Variants in IFT74 observed in about 807,000 individuals in gnomAD.
The protein encoded by IFT74 is intraflagellar transport 74, also known as intraflagellar transport protein 74 homolog.
IFT74 carries 92 observed loss-of-function variants against 96.7 expected under a neutral mutation model. The ratio of observed to expected loss-of-function variants is 0.95; its 90% CI spans 0.80 to 1.13. IFT74 has a LOEUF of 1.13. IFT74 is among the 50% of genes most tolerant of loss of function. The pLI is 0.00. For synonymous variants in IFT74, 223 were observed against 213.2 expected (o/e 1.05, Z -0.40); for missense variants, 811 against 698.2 (o/e 1.16, Z -1.82).
chr9:26,962,628 C>G (rs1826415168), intron 2 of IFT74, among the ~76,000 whole-genome samples: 1 of 152,158 alleles, frequency 6.6e-6, no homozygotes, highest in East Asian at 1.9e-4. Context: ...TTTTAATCCT[C>G]TCTTATACCT....
intron 2 of IFT74, among the ~76,000 whole-genome samples, chr9:26,966,616 T>C (rs1826631222): frequency 6.6e-6 from 1 of 152,172 alleles, no homozygotes; most frequent in Non-Finnish European, 1.5e-5. Context: ...TTTTCTCCTA[T>C]TATGTTGGTT....
chr9:26,996,273 A>G (rs2131568102), intron 8 of IFT74: 1 of 1,155,020 alleles, frequency 8.7e-7, no homozygotes, highest in Non-Finnish European at 1.2e-6. Context: ...TTAGTATGAT[A>G]CATTCAGCAG....
chr9:26,961,987 C>A lies in IFT74; in HGVS notation c.20C>A (p.Ser7Tyr), dbSNP rs763921206. Reference sequence around the variant, plus strand: ...GAAACAATGGCCAGCAATCACAAATCTTCAGCAGCTCGCCCTGTTTCAAGA... The same window carrying A: ...GAAACAATGGCCAGCAATCACAAATATTCAGCAGCTCGCCCTGTTTCAAGA... MASNHK[S>Y]SAARPVSRGG... The change falls in exon 2 of 20, where the codon TCT becomes TAT. Residue 7 changes from serine to tyrosine, a missense_variant. By Grantham distance (144) the Ser-to-Tyr change is moderately radical (BLOSUM62 -2). Coordinates refer to ENST00000380062, the MANE Select transcript of IFT74 (RefSeq NM_025103.4). 14 of 1,614,156 alleles carry A rather than the reference C, an allele frequency of 8.7e-6. No homozygotes were observed. Among genetic ancestry groups the A allele is most frequent in the Non-Finnish European group, 1.1e-5 (13 of 1,179,974 alleles).
At chr9:26,984,413 T>G in intron 5 of IFT74, 58 bp downstream of exon 5, 1 of 1,578,542 alleles carries the variant, frequency 6.3e-7, no homozygotes, top group African/African-American at 1.4e-5. Flanking sequence ...ACTAACTTTG[T>G]AGCTATCCAT....
chr9:26,979,551 C>T (rs1196772851), intron 3 of IFT74, among the ~76,000 whole-genome samples: 1 of 151,958 alleles, frequency 6.6e-6, no homozygotes, highest in Non-Finnish European at 1.5e-5. Flanking sequence ...TTCATTCTTA[C>T]CTTCTCTAGT....
chr9:26,952,653 C>T (rs1286485714), upstream of IFT74, among the ~76,000 whole-genome samples: 1 of 152,222 alleles, frequency 6.6e-6, no homozygotes, highest in African/African-American at 2.4e-5. Context: ...TGCACATTTT[C>T]AAACCCTAAC....
chr9:26,964,850 ACT>A (rs1181253936), intron 2 of IFT74, among the ~76,000 whole-genome samples: 3 of 152,176 alleles, frequency 2.0e-5, no homozygotes, highest in Non-Finnish European at 2.9e-5. Flanking sequence ...CTGGAGGTAA[ACT>A]CTAGTAAATG....
At chr9:27,001,525 T>C (rs540274760) in intron 8 of IFT74, among the ~76,000 whole-genome samples, 26 of 152,272 alleles carry the variant, frequency 1.7e-4, no homozygotes, top group Admixed American at 1.5e-3. Flanking sequence ...TTATATATCA[T>C]TGTAGTTTTG....
In IFT74 at chr9:26,984,497, AG is replaced by A; in HGVS notation, c.406del. The stretch of plus-strand genomic sequence containing the variant: ...ATGAATGTATTTATTTTATGCTTTC[AG>A]GGCTGAGACTTTAGCTGTTGAGATA... On this transcript the variant is annotated splice_acceptor_variant, in intron 5 of 19. Coordinates refer to ENST00000380062, the MANE Select transcript of IFT74 (RefSeq NM_025103.4). LOFTEE classifies it high-confidence loss of function. 6.2e-7 allele frequency: 1 copy of A among 1,610,686 alleles called. No individual in the cohort carries two copies. Among genetic ancestry groups the A allele is most frequent in the Non-Finnish European group, 8.5e-7 (1 of 1,177,812 alleles).
rs1406568745 is a variant in IFT74, at chr9:27,063,674, A to T, written c.*938A>T. ...TGTTCACTAAGTAACTCTACTTTTC[A>T]GTATTTCTGAAACAACACATTGATT... On this transcript the variant is annotated 3_prime_UTR_variant, in exon 20 of 20. Transcript: ENST00000380062. Among the ~76,000 whole-genome samples, 1 of 152,108 alleles carries T rather than the reference A, an allele frequency of 6.6e-6. No individual in the cohort carries two copies. The highest frequency in any genetic ancestry group is 1.5e-5 in the Non-Finnish European group (1 of 67,962).
At chr9:26,947,861 C>T (rs966965824) in intron 1 of IFT74, among the ~76,000 whole-genome samples, 3 of 152,102 alleles carry the variant, frequency 2.0e-5, no homozygotes, top group African/African-American at 7.2e-5. Context: ...GATTCTGATT[C>T]AGTAGGTCTG....
chr9:26,956,392 G>T (rs1278728657), upstream of IFT74: 2 of 152,286 alleles, frequency 1.3e-5, no homozygotes, highest in Non-Finnish European at 2.9e-5. Context: ...CCGTTGCCGG[G>T]ATACGCCGCG....
chr9:27,063,687 C>T lies in IFT74; in HGVS notation c.*951C>T, dbSNP rs1006615187. Among the ~76,000 whole-genome samples the T allele has an allele frequency of 1.3e-5, 2 of 152,064 alleles. No individual in the cohort carries two copies. Among genetic ancestry groups the T allele is most frequent in the Admixed American group, 1.3e-4 (2 of 15,268 alleles). On this transcript the variant is annotated 3_prime_UTR_variant, in exon 20 of 20. Transcript: ENST00000380062. ...ACTCTACTTTTCAGTATTTCTGAAA[C>T]AACACATTGATTTCTTAAACCAAAA...
chr9:26,970,456 A>G (rs1161597812), intron 2 of IFT74, among the ~76,000 whole-genome samples: 1 of 152,224 alleles, frequency 6.6e-6, no homozygotes, highest in South Asian at 2.1e-4. Context: ...GCAATATATT[A>G]TGAATATGTG....
At chr9:27,052,693 A>G (rs1472976347) in intron 16 of IFT74, among the ~76,000 whole-genome samples, 1 of 152,128 alleles carries the variant, frequency 6.6e-6, no homozygotes, top group African/African-American at 2.4e-5. Flanking sequence ...TTCATTTACT[A>G]CATTGTTTTC....
rs183567147 is a variant in IFT74 at position 27,024,178 on chromosome 9, G to C, written c.975-4847G>C. Among the ~76,000 whole-genome samples, 228 of 152,258 alleles carry C rather than the reference G, an allele frequency of 1.5e-3. 2 individuals are homozygous for C. Among genetic ancestry groups the C allele is most frequent in the Non-Finnish European group, 2.7e-3 (181 of 68,018 alleles). On this transcript the variant is annotated intron_variant, in intron 12 of 19. Coordinates refer to ENST00000380062, the MANE Select transcript of IFT74 (RefSeq NM_025103.4). ...CCAGAGGCCCTGACTCTGTTCACAT[G>C]ACAGCTTCACTGCCAGCATAACCAG...
intron 13 of IFT74, among the ~76,000 whole-genome samples, chr9:27,031,092 C>T (rs1290350757): frequency 6.6e-6 from 1 of 152,186 alleles, no homozygotes; most frequent in Admixed American, 6.5e-5. Flanking sequence ...AACTCCTGGG[C>T]TCAAGCAGTC....
At chr9:27,009,869 CATGTGATATTTCCATGCACGT>C (rs1828967913) in intron 9 of IFT74, among the ~76,000 whole-genome samples, 1 of 151,598 alleles carries the variant, frequency 6.6e-6, no homozygotes, top group Admixed American at 6.6e-5. Flanking sequence ...TTATGGGGTA[CATGTGATATTTCCATGCACGT>C]ATGCAATGTA....
intron 8 of IFT74, chr9:26,995,455 C>T: frequency 1.1e-6 from 1 of 921,166 alleles, no homozygotes; most frequent in Non-Finnish European, 1.6e-6. Flanking sequence ...TGTCACATAG[C>T]AAAATCTCCA....
Sources: gnomAD v4.1 joint callset for allele counts (sites outside exome capture counted in the v4.1 genomes callset) on GRCh38, gnomAD v4.1.1 for gene constraint, MANE v1.5 for transcripts, NCBI Gene and HGNC (gene_info 2026-07-23, HGNC 2026-07-21) for gene names.